Variants in TNFSF8 observed in about 807,000 individuals in gnomAD.
TNFSF8 encodes the protein tumor necrosis factor ligand superfamily member 8.
A neutral mutation model predicts 22.0 loss-of-function variants in TNFSF8; 4 were observed. The ratio of observed to expected loss-of-function variants is 0.18; its 90% CI spans 0.09 to 0.42. The LOEUF is 0.42. Ranked by LOEUF, TNFSF8 falls within the 10% of genes least tolerant of loss-of-function variation. The pLI is 1.00. For missense variants in TNFSF8, 233 were observed against 281.8 expected, an observed-to-expected ratio of 0.83 and a Z score of 1.24; for synonymous variants, 106 against 112.5, an observed-to-expected ratio of 0.94 and a Z score of 0.37.
chr9:114,895,105 C>T (rs1827643560), intron 4 of TNFSF8, among the ~76,000 whole-genome samples: 1 of 152,182 alleles, frequency 6.6e-6, no homozygotes, highest in Non-Finnish European at 1.5e-5. Context: ...TTGGAGCCTC[C>T]TGGTTGTGAA....
chr9:114,901,491 G>T lies in TNFSF8; in HGVS notation c.*2440C>A. The T allele has an allele frequency of 3.0e-6, 3 of 985,302 alleles. No individual in the cohort carries two copies. Among genetic ancestry groups the T allele is most frequent in the Non-Finnish European group, 3.6e-6 (3 of 829,896 alleles). The allele number at this position is 985,302 out of a possible 1,614,324, so 61.0% of individuals were successfully genotyped here. On this transcript the variant is annotated 3_prime_UTR_variant, in exon 4 of 4. Transcript: ENST00000223795. The stretch of plus-strand genomic sequence containing the variant: ...GAACAGTTGGTGAAAAATGAAAATG[G>T]AATCTTTCTCGAGTTAGAATGTGAG...
intron 2 of TNFSF8, among the ~76,000 whole-genome samples, chr9:114,906,140 G>A (rs1827782051): frequency 6.6e-6 from 1 of 152,150 alleles, no homozygotes; most frequent in Admixed American, 6.5e-5. Flanking sequence ...GGAAATCAGG[G>A]AAGGAAACAA....
At chr9:114,930,063 G>A (rs774925441) in intron 1 of TNFSF8, 46 bp downstream of exon 1, 14 of 1,385,700 alleles carry the variant, frequency 1.0e-5, no homozygotes, top group Non-Finnish European at 1.3e-5. Context: ...TCTTTCTCTC[G>A]GGAAAACAAC....
At chr9:114,893,543 G>T (rs1827626103) in exon 5 of TNFSF8, 1 of 158,804 alleles carries the variant, frequency 6.3e-6, no homozygotes, top group Non-Finnish European at 1.4e-5. Context: ...AAACTTTAAA[G>T]CACTATGCAG....
intron 3 of TNFSF8, among the ~76,000 whole-genome samples, chr9:114,904,737 T>C (rs1470639363): frequency 2.6e-5 from 4 of 152,194 alleles, no homozygotes; most frequent in African/African-American, 7.2e-5. Context: ...TTGCAAAAGG[T>C]ATCAGAGATA....
rs114127732 is a variant in TNFSF8, at chr9:114,907,585, C to T, written c.239-1686G>A. ...ATCAGGCCCAAGCTCCTCAGCATGG[C>T]TTTCATGGTCCCCATTGTTCTGACT... On this transcript the variant is annotated intron_variant, in intron 2 of 3. Coordinates refer to ENST00000223795, the MANE Select transcript of TNFSF8 (RefSeq NM_001244.4). Among the ~76,000 whole-genome samples the T allele has an allele frequency of 3.4e-3, 519 of 152,244 alleles. 5 individuals carry two copies. The highest frequency in any genetic ancestry group is 0.012 in the African/African-American group (499 of 41,538).
chr9:114,925,947 T>C (rs914549762), intron 1 of TNFSF8, among the ~76,000 whole-genome samples: 3 of 152,198 alleles, frequency 2.0e-5, no homozygotes, highest in Admixed American at 1.3e-4. Context: ...TCTCATTGTC[T>C]ATCTCATTAT....
intron 1 of TNFSF8, 117 bp downstream of exon 1, chr9:114,929,992 T>C (rs1828118135): frequency 7.1e-6 from 4 of 563,828 alleles, no homozygotes; most frequent in Non-Finnish European, 1.1e-5. Context: ...AGAGAGAGTT[T>C]ATTTATTTAA....
intron 1 of TNFSF8, among the ~76,000 whole-genome samples, chr9:114,922,225 G>T (rs1827997479): frequency 6.6e-6 from 1 of 152,206 alleles, no homozygotes; most frequent in Non-Finnish European, 1.5e-5. Flanking sequence ...ATGATCAGCA[G>T]ATGCAATGAG....
In TNFSF8 at chr9:114,930,449, A is replaced by C. The variant is rs745733046; in HGVS notation, c.-146T>G. Reference sequence around the variant, plus strand: ...ACCTTCACCTGCTGCCTGGTGGAGAAACTCTTCTCTGGGGGCGTGAGGCGA... The same window carrying C: ...ACCTTCACCTGCTGCCTGGTGGAGACACTCTTCTCTGGGGGCGTGAGGCGA... On this transcript the variant is annotated 5_prime_UTR_variant, in exon 1 of 4. Coordinates refer to ENST00000223795, the MANE Select transcript of TNFSF8 (RefSeq NM_001244.4). 1 of 584,730 alleles carries C rather than the reference A, an allele frequency of 1.7e-6. No homozygotes were observed. The highest frequency in any genetic ancestry group is 2.6e-6 in the Non-Finnish European group (1 of 384,234). The allele number at this position is 584,730 out of a possible 1,614,324, so 36.2% of individuals were successfully genotyped here.
chr9:114,924,155 T>G (rs1217866031), intron 1 of TNFSF8, among the ~76,000 whole-genome samples: 1 of 152,198 alleles, frequency 6.6e-6, no homozygotes, highest in Non-Finnish European at 1.5e-5. Context: ...TCTCAAACTT[T>G]AATGTGCATA....
chr9:114,923,491 T>TTTCTTTCTTTCTTTCTTTCTTTCC (rs1828016024), intron 1 of TNFSF8, among the ~76,000 whole-genome samples: 2 of 74,398 alleles, frequency 2.7e-5, no homozygotes, highest in Non-Finnish European at 4.4e-5. Context: ...TCTTTCTTTC[T>TTTCTTTCTTTCTTTCTTTCTTTCC]TTCTTTCTTT....
chr9:114,907,268 C>T (rs1447718343), intron 2 of TNFSF8, among the ~76,000 whole-genome samples: 1 of 152,200 alleles, frequency 6.6e-6, no homozygotes, highest in Non-Finnish European at 1.5e-5. Context: ...TGGTCCAAAG[C>T]TCTCTTGGTG....
At position 114,901,529 on chromosome 9, in the gene TNFSF8, T is replaced by C; in HGVS notation, c.*2402A>G. On this transcript the variant is annotated 3_prime_UTR_variant, in exon 4 of 4. Coordinates refer to ENST00000223795, the MANE Select transcript of TNFSF8 (RefSeq NM_001244.4). ...GTTAGAATGTGAGATGGCAAAAAAATTGCTTAGTTAACACACAGTTGGGTT... is the reference window on the plus strand; with the variant it reads ...GTTAGAATGTGAGATGGCAAAAAAACTGCTTAGTTAACACACAGTTGGGTT... 1.0e-6 allele frequency: 1 copy of C among 985,212 alleles called. No individual in the cohort carries two copies. Among genetic ancestry groups the C allele is most frequent in the East Asian group, 1.1e-4 (1 of 8,814 alleles). 61.0% of individuals were successfully genotyped at this position (985,212 alleles called of 1,614,324 possible).
At chr9:114,927,057 T>C (rs183650971) in intron 1 of TNFSF8, among the ~76,000 whole-genome samples, 22 of 141,286 alleles carry the variant, frequency 1.6e-4, no homozygotes, top group South Asian at 9.2e-4. Context: ...ATATTTATAA[T>C]ATAAAATGTT....
chr9:114,922,426 A>C (rs918874698), intron 1 of TNFSF8, among the ~76,000 whole-genome samples: 4 of 152,180 alleles, frequency 2.6e-5, no homozygotes, highest in Non-Finnish European at 5.9e-5. Flanking sequence ...AAGCTAATTC[A>C]TTGGGCACTT....
chr9:114,926,683 C>T (rs1448966935), intron 1 of TNFSF8, among the ~76,000 whole-genome samples: 2 of 151,818 alleles, frequency 1.3e-5, no homozygotes, highest in Admixed American at 6.6e-5. Context: ...AAGCAAGATG[C>T]AAAATTATGG....
chr9:114,920,948 C>T (rs558464402), intron 1 of TNFSF8, among the ~76,000 whole-genome samples: 1 of 152,154 alleles, frequency 6.6e-6, no homozygotes, highest in Non-Finnish European at 1.5e-5. Context: ...GGATTACAAG[C>T]GTGAGCCACC....
rs3181371 is a variant in TNFSF8 at position 114,903,290 on chromosome 9, C to G, written c.*641G>C. 55,083 of 152,136 alleles carry G rather than the reference C, an allele frequency of 0.36. 10,528 individuals are homozygous for G. The highest frequency in any genetic ancestry group is 0.45 in the Admixed American group (6,914 of 15,278). The allele number at this position is 152,136 out of a possible 1,614,324, so 9.4% of individuals were successfully genotyped here. A position where few individuals can be genotyped will look rare whatever the true frequency, so the allele number is the denominator to read the frequency against. On this transcript the variant is annotated 3_prime_UTR_variant, in exon 4 of 4. Transcript: ENST00000223795. ...CCATCTCAGGAACAGGGGGCTGTCC[C>G]AGCCTGGTTTTCCCTGGGGGTTCCT...
Sources: allele counts gnomAD v4.1 joint callset (sites outside exome capture counted in the v4.1 genomes callset), GRCh38; gene constraint gnomAD v4.1.1; transcripts MANE v1.5; gene names NCBI Gene and HGNC (gene_info 2026-07-23, HGNC 2026-07-21).